Variants in KCTD21 observed in about 807,000 individuals in gnomAD.
The protein encoded by KCTD21 is potassium channel tetramerization domain containing 21, also known as BTB/POZ domain-containing protein KCTD21.
In KCTD21, 9 loss-of-function variants were observed where a neutral mutation model predicts 13.2. That is an observed-to-expected ratio of 0.68 (90% CI 0.41 to 1.19). The LOEUF is 1.19. Ranked by LOEUF, KCTD21 falls within the 50% of genes most tolerant of loss-of-function variation. The pLI is 0.01. For synonymous variants in KCTD21, 142 were observed against 137.4 expected, an observed-to-expected ratio of 1.03 and a Z score of -0.23; for missense variants, 303 against 336.5, an observed-to-expected ratio of 0.90 and a Z score of 0.78.
In KCTD21 at chr11:78,174,545, G is replaced by A. The variant is rs1387059356; in HGVS notation, c.10C>T (p.Pro4Ser). The A allele has an allele frequency of 6.2e-7, 1 of 1,610,770 alleles. No individual in the cohort carries two copies. Residue 4 changes from proline (P) to serine (S), a missense_variant, in exon 2 of 2, where the codon CCC becomes TCC. Pro to Ser is a moderately conservative substitution (Grantham distance 74). Transcript: ENST00000340067. MSDPITLNVGGKLY... is the reference protein window; with the variant it reads MSDSITLNVGGKLY... ...TTCCCCCCGACGTTCAGCGTGATGG[G>A]GTCGGACATGGCAGGAGACTGGGTT...
intron 1 of KCTD21, among the ~76,000 whole-genome samples, chr11:78,186,420 A>T (rs1590885610): frequency 7.6e-6 from 1 of 130,960 alleles, no homozygotes; most frequent in Non-Finnish European, 1.6e-5. Flanking sequence ...AAAGAACTGG[A>T]GAGGCTGTGT....
chr11:78,188,197 C>A, intron 1 of KCTD21: 4 of 985,284 alleles, frequency 4.1e-6, no homozygotes, highest in Non-Finnish European at 4.8e-6. Flanking sequence ...TGTTCCGCAC[C>A]CACTCCCCAG....
At chr11:78,187,127 C>A (rs1460525466) in intron 1 of KCTD21, 19 of 985,292 alleles carry the variant, frequency 1.9e-5, no homozygotes, top group Non-Finnish European at 2.2e-5. Flanking sequence ...ATGGACAGCA[C>A]GTGGCTGGGT....
intron 1 of KCTD21, 43 bp downstream of exon 1, chr11:78,188,530 C>T (rs1862888547): frequency 1.0e-6 from 1 of 985,498 alleles, no homozygotes; most frequent in Non-Finnish European, 1.2e-6. Context: ...GTACCCTCGC[C>T]GGTAGTCCCC....
chr11:78,181,820 T>C (rs1447472532), intron 1 of KCTD21, among the ~76,000 whole-genome samples: 7 of 149,474 alleles, frequency 4.7e-5, no homozygotes, highest in African/African-American at 1.7e-4. Context: ...ACTTAAGTTT[T>C]ACCTCCATAA....
At chr11:78,179,025 A>C (rs1862538835) in intron 1 of KCTD21, among the ~76,000 whole-genome samples, 1 of 152,076 alleles carries the variant, frequency 6.6e-6, no homozygotes, top group South Asian at 2.1e-4. Context: ...CTTCGTCCAG[A>C]TAAGGAGTAG....
chr11:78,181,720 A>C (rs556692313), intron 1 of KCTD21, among the ~76,000 whole-genome samples: 10 of 152,102 alleles, frequency 6.6e-5, no homozygotes, highest in Admixed American at 2.6e-4. Context: ...CCGAGGCAGG[A>C]GGGTCACTTG....
At chr11:78,177,630 C>T (rs983755777) in intron 1 of KCTD21, 1 of 152,292 alleles carries the variant, frequency 6.6e-6, no homozygotes, top group Non-Finnish European at 1.5e-5. Flanking sequence ...CAACTGTTTT[C>T]TTCTGGATAG....
chr11:78,186,630 T>C, intron 1 of KCTD21: 1 of 891,206 alleles, frequency 1.1e-6, no homozygotes, highest in South Asian at 5.2e-5. Context: ...ACTCTATACA[T>C]GTTAATCTCT....
rs1862364650 is a variant in KCTD21, at chr11:78,174,014, G to A, written c.541C>T (p.Pro181Ser). Residue 181 changes from proline (P) to serine (S), a missense_variant, in exon 2 of 2, where the codon CCC becomes TCC. Transcript: ENST00000340067. ...ACCCAGTCCAGAGTCAGGTGGTTGG[G>A]GTCCTGCAAGTGGCTGGTGATGGAG... ...LSSITSHLQD[P>S]NHLTLDWVAN... 5 of 1,614,086 alleles carry A rather than the reference G, an allele frequency of 3.1e-6. No homozygotes were observed. Among genetic ancestry groups the A allele is most frequent in the Non-Finnish European group, 4.2e-6 (5 of 1,180,018 alleles).
chr11:78,188,051 G>A (rs3133324), intron 1 of KCTD21: 311,807 of 985,158 alleles, frequency 0.32, 50,439 homozygotes, highest in Admixed American at 0.43. Context: ...AAAGGGAGGT[G>A]TTCTATGCAT....
At chr11:78,182,304 C>G (rs1040655657) in intron 1 of KCTD21, among the ~76,000 whole-genome samples, 1 of 143,384 alleles carries the variant, frequency 7.0e-6, no homozygotes, top group Non-Finnish European at 1.5e-5. Flanking sequence ...AGCACCCCCC[C>G]CCCCTCAAAA....
chr11:78,179,114 C>T (rs1862541397), intron 1 of KCTD21, among the ~76,000 whole-genome samples: 2 of 152,184 alleles, frequency 1.3e-5, no homozygotes, highest in South Asian at 4.1e-4. Context: ...CTCCGGCCCA[C>T]TCCCACCCTG....
intron 1 of KCTD21, among the ~76,000 whole-genome samples, chr11:78,180,797 C>A (rs1176718347): frequency 1.3e-5 from 2 of 152,100 alleles, no homozygotes; most frequent in African/African-American, 4.8e-5. Context: ...GTGTCCCCAC[C>A]CAAATCTCAC....
At chr11:78,175,350 A>C (rs1235513805) in intron 1 of KCTD21, 1 of 150,928 alleles carries the variant, frequency 6.6e-6, no homozygotes, top group African/African-American at 2.4e-5. Flanking sequence ...AAAAGGTTGT[A>C]TCATCTTTTG....
chr11:78,177,594 C>T (rs1337945538), intron 1 of KCTD21: 1 of 152,164 alleles, frequency 6.6e-6, no homozygotes, highest in African/African-American at 2.4e-5. Context: ...TCCCTGTTGC[C>T]CTCTTTGTAG....
At chr11:78,182,375 T>C (rs970384799) in intron 1 of KCTD21, among the ~76,000 whole-genome samples, 1 of 151,746 alleles carries the variant, frequency 6.6e-6, no homozygotes, top group Admixed American at 6.6e-5. Context: ...AAAAAAGATT[T>C]AAATAATTAA....
intron 1 of KCTD21, among the ~76,000 whole-genome samples, chr11:78,184,509 G>A (rs1460208187): frequency 6.6e-6 from 1 of 152,090 alleles, no homozygotes; most frequent in Non-Finnish European, 1.5e-5. Context: ...GCTAATTTTT[G>A]TATTTTTACT....
chr11:78,187,024 G>C, intron 1 of KCTD21: 2 of 985,428 alleles, frequency 2.0e-6, no homozygotes, highest in Non-Finnish European at 2.4e-6. Flanking sequence ...GAAATGCTCT[G>C]TTCAATTTTC....
Sources: gnomAD v4.1 joint callset for allele counts (sites outside exome capture counted in the v4.1 genomes callset) on GRCh38, gnomAD v4.1.1 for gene constraint, MANE v1.5 for transcripts, NCBI Gene and HGNC (gene_info 2026-07-23, HGNC 2026-07-21) for gene names.